Variants in KIAA1549L observed in about 807,000 individuals in gnomAD.
KIAA1549L encodes UPF0606 protein KIAA1549L.
In KIAA1549L, 88 loss-of-function variants were observed where a neutral mutation model predicts 160.7. The observed-to-expected ratio is 0.55, with a 90% CI of 0.46 to 0.65. The LOEUF (loss-of-function observed/expected upper bound fraction) is 0.65. Ranked by LOEUF, KIAA1549L falls within the 30% of genes least tolerant of loss-of-function variation. KIAA1549L has a pLI of 0.00. For synonymous variants in KIAA1549L, 950 were observed against 976.7 expected (o/e 0.97, Z 0.51); for missense variants, 2,258 against 2,437.5 (o/e 0.93, Z 1.55).
At chr11:33,427,186 T>C (rs138859359) in intron 1 of KIAA1549L, among the ~76,000 whole-genome samples, 4 of 152,230 alleles carry the variant, frequency 2.6e-5, no homozygotes, top group African/African-American at 9.6e-5. Flanking sequence ...CTGCCCATTC[T>C]CTAGGGTGAC....
At chr11:33,602,472 C>T (rs79013713) in intron 13 of KIAA1549L, among the ~76,000 whole-genome samples, 5,273 of 152,264 alleles carry the variant, frequency 0.035, 268 homozygotes, top group African/African-American at 0.11. Flanking sequence ...AGAAAAAGCA[C>T]GTGTTGGATA....
At chr11:33,427,143 A>C (rs1851133441) in intron 1 of KIAA1549L, among the ~76,000 whole-genome samples, 1 of 152,162 alleles carries the variant, frequency 6.6e-6, no homozygotes, top group South Asian at 2.1e-4. Context: ...GGTGCTGCCC[A>C]GCAATGCCAC....
intron 1 of KIAA1549L, among the ~76,000 whole-genome samples, chr11:33,427,070 A>T (rs1851131999): frequency 6.6e-6 from 1 of 152,226 alleles, no homozygotes; most frequent in African/African-American, 2.4e-5. Flanking sequence ...TGGGCGGTAG[A>T]AAACCACACG....
intron 1 of KIAA1549L, among the ~76,000 whole-genome samples, chr11:33,506,528 C>T (rs1853093716): frequency 6.6e-6 from 1 of 152,000 alleles, no homozygotes; most frequent in African/African-American, 2.4e-5. Flanking sequence ...GAGTTCTAGA[C>T]CAGCCTGGGC....
At chr11:33,613,106 T>C (rs1382119395) in intron 15 of KIAA1549L, among the ~76,000 whole-genome samples, 1 of 152,176 alleles carries the variant, frequency 6.6e-6, no homozygotes, top group Non-Finnish European at 1.5e-5. Context: ...TTTCTGTTCC[T>C]CTGGGTATAT....
In KIAA1549L at chr11:33,462,799, G is replaced by A. The variant is rs527592852; in HGVS notation, c.239-79003G>A. 8.6e-5 allele frequency among the ~76,000 whole-genome samples: 13 copies of A among 151,228 alleles called. No individual in the cohort carries two copies. The South Asian group carries it at 1.9e-3, about 22-fold the overall frequency. ...TTTTTTTTTTTATTTTAACATCTCC[G>A]AAATCAAAGTGTTTTGCCATTGTTC... On this transcript the variant is annotated intron_variant, in intron 1 of 20. Transcript: ENST00000658780.
intron 1 of KIAA1549L, among the ~76,000 whole-genome samples, chr11:33,425,042 A>G (rs1851088966): frequency 6.6e-6 from 1 of 152,234 alleles, no homozygotes; most frequent in South Asian, 2.1e-4. Flanking sequence ...ATGAACAAAT[A>G]AAACCTTGAT....
chr11:33,660,646 A>G (rs1410284778), intron 19 of KIAA1549L, among the ~76,000 whole-genome samples: 2 of 152,138 alleles, frequency 1.3e-5, no homozygotes, highest in East Asian at 3.9e-4. Flanking sequence ...GATCTTAGCC[A>G]TCATGGCCAG....
At position 33,668,064 on chromosome 11, in the gene KIAA1549L, C is replaced by T. The variant is rs757089421; in HGVS notation, c.6351C>T (p.Asn2117=). ...ACCCGTCTGACGCTCCCCTGACCAA[C>T]ATCTCCACTGCGGCCCTTGTGAAGG... ...ENDPSDAPLT[N]ISTAALVKAI... The change falls in exon 21 of 21, where the codon AAC becomes AAT. Residue 2117 remains asparagine (N), a synonymous_variant. Coordinates refer to ENST00000658780, the MANE Select transcript of KIAA1549L (RefSeq NM_012194.3). The T allele has an allele frequency of 2.0e-5, 33 of 1,613,936 alleles. No individual in the cohort carries two copies. In the South Asian group the frequency reaches 3.6e-4, roughly 18 times the overall value.
At chr11:33,557,165 T>A (rs1854678435) in intron 6 of KIAA1549L, among the ~76,000 whole-genome samples, 1 of 152,106 alleles carries the variant, frequency 6.6e-6, no homozygotes, top group South Asian at 2.1e-4. Flanking sequence ...TTTTTTCTAT[T>A]TTTTGTAGAG....
intron 20 of KIAA1549L, among the ~76,000 whole-genome samples, chr11:33,662,532 T>G (rs1189288479): frequency 2.6e-5 from 4 of 152,236 alleles, no homozygotes; most frequent in African/African-American, 9.6e-5. Context: ...CTGATACCAC[T>G]GGATATGATT....
chr11:33,504,706 G>T (rs551366396), intron 1 of KIAA1549L, among the ~76,000 whole-genome samples: 5 of 152,196 alleles, frequency 3.3e-5, no homozygotes, highest in African/African-American at 1.2e-4. Flanking sequence ...GACCTCAAGT[G>T]ATCCACCTGC....
At chr11:33,527,089 C>T (rs1344109890) in intron 1 of KIAA1549L, among the ~76,000 whole-genome samples, 1 of 151,998 alleles carries the variant, frequency 6.6e-6, no homozygotes, top group East Asian at 1.9e-4. Flanking sequence ...TTTGAATTAA[C>T]CTAATCCAAC....
At chr11:33,563,871 C>G (rs1385056969) in intron 8 of KIAA1549L, among the ~76,000 whole-genome samples, 1 of 152,190 alleles carries the variant, frequency 6.6e-6, no homozygotes, top group Non-Finnish European at 1.5e-5. Flanking sequence ...CTCATTCACT[C>G]TTCACCACAG....
chr11:33,623,387 T>C (rs574568540), intron 16 of KIAA1549L, among the ~76,000 whole-genome samples: 4 of 152,296 alleles, frequency 2.6e-5, no homozygotes, highest in South Asian at 4.1e-4. Context: ...CCCAAAACTT[T>C]CCTCCATAGC....
In KIAA1549L at chr11:33,669,952, A is replaced by C. The variant is rs1852616180; in HGVS notation, c.*1798A>C. On this transcript the variant is annotated 3_prime_UTR_variant, in exon 21 of 21. Coordinates refer to ENST00000658780, the MANE Select transcript of KIAA1549L (RefSeq NM_012194.3). ...ATGTATTTTTGTAATTCCCGTGTGTATATATGGTATATTTCTATCAATGGC... is the reference window on the plus strand; with the variant it reads ...ATGTATTTTTGTAATTCCCGTGTGTCTATATGGTATATTTCTATCAATGGC... 1 of 152,248 alleles carries C rather than the reference A, an allele frequency of 6.6e-6. No individual in the cohort carries two copies. Among genetic ancestry groups the C allele is most frequent in the Admixed American group, 6.5e-5 (1 of 15,288 alleles). 9.4% of individuals were successfully genotyped at this position (152,248 alleles called of 1,614,324 possible).
chr11:33,603,890 G>A (rs532362406), intron 13 of KIAA1549L, among the ~76,000 whole-genome samples: 2 of 152,080 alleles, frequency 1.3e-5, no homozygotes, highest in Admixed American at 6.6e-5. Context: ...TTCAGCAAGG[G>A]GGCCAGCATT....
At position 33,483,710 on chromosome 11, in the gene KIAA1549L, A is replaced by G. The variant is rs547040473; in HGVS notation, c.239-58092A>G. ...ACCCATACTGTTCTCGTGGTAGTGA[A>G]TAAGTCTTATGAGCTCTGATGGTTT... On this transcript the variant is annotated intron_variant, in intron 1 of 20. Transcript: ENST00000658780. Among the ~76,000 whole-genome samples the G allele has an allele frequency of 7.2e-5, 11 of 152,268 alleles. No homozygotes were observed. The East Asian group carries it at 1.9e-3, about 27-fold the overall frequency.
chr11:33,386,272 G>C (rs879084749), intron 1 of KIAA1549L, among the ~76,000 whole-genome samples: 1 of 152,174 alleles, frequency 6.6e-6, no homozygotes. Flanking sequence ...TAGCAAATTT[G>C]CTGTGAATTT....
Sources: gnomAD v4.1 joint callset for allele counts (sites outside exome capture counted in the v4.1 genomes callset) on GRCh38, gnomAD v4.1.1 for gene constraint, MANE v1.5 for transcripts, NCBI Gene and HGNC (gene_info 2026-07-23, HGNC 2026-07-21) for gene names.